Variants in PTPRM observed in about 807,000 individuals in gnomAD.
PTPRM encodes receptor-type tyrosine-protein phosphatase mu.
A neutral mutation model predicts 186.7 loss-of-function variants in PTPRM; 47 were observed. The observed-to-expected ratio is 0.25, with a 90% CI of 0.20 to 0.32. PTPRM has a LOEUF of 0.32. PTPRM is among the 10% of genes least tolerant of loss of function. PTPRM has a pLI of 1.00. For synonymous variants in PTPRM, 668 were observed against 674.9 expected (o/e 0.99, Z 0.16); for missense variants, 1,494 against 1,865.0 (o/e 0.80, Z 3.66).
chr18:8,157,797 G>A (rs2093153440), intron 14 of PTPRM, among the ~76,000 whole-genome samples: 1 of 152,176 alleles, frequency 6.6e-6, no homozygotes, highest in Non-Finnish European at 1.5e-5. Flanking sequence ...GCATGGCATT[G>A]GCATTAAATG....
chr18:7,717,467 A>C (rs1276359313), intron 1 of PTPRM, among the ~76,000 whole-genome samples: 2 of 152,196 alleles, frequency 1.3e-5, no homozygotes, highest in African/African-American at 4.8e-5. Context: ...ATCAGCAGTA[A>C]AATCGCCCAC....
intron 2 of PTPRM, among the ~76,000 whole-genome samples, chr18:7,819,919 G>C (rs1485910921): frequency 6.6e-6 from 1 of 152,178 alleles, no homozygotes; most frequent in East Asian, 1.9e-4. Context: ...GCGGGAAGCA[G>C]ACCCCTCCAT....
intron 1 of PTPRM, chr18:7,749,340 A>G (rs972314907): frequency 6.6e-6 from 1 of 152,030 alleles, no homozygotes; most frequent in Non-Finnish European, 1.5e-5. Context: ...AAAACAACAA[A>G]AAAAACTCAC....
chr18:8,358,322 A>G (rs2095576192), intron 23 of PTPRM, among the ~76,000 whole-genome samples: 1 of 151,788 alleles, frequency 6.6e-6, no homozygotes, highest in Non-Finnish European at 1.5e-5. Context: ...TCTCCATTTC[A>G]GAAATGTTCT....
intron 1 of PTPRM, among the ~76,000 whole-genome samples, chr18:7,676,649 G>GTGTA (rs2039344666): frequency 3.6e-5 from 5 of 137,532 alleles, no homozygotes; most frequent in African/African-American, 1.3e-4. Context: ...GTGTGTGTGT[G>GTGTA]TGTGTGTGTG....
chr18:8,122,133 A>G (rs1209232314), intron 13 of PTPRM: 1 of 152,494 alleles, frequency 6.6e-6, no homozygotes, highest in African/African-American at 2.4e-5. Flanking sequence ...TGTTAGAACA[A>G]AGTTGAGACA....
intron 1 of PTPRM, among the ~76,000 whole-genome samples, chr18:7,767,527 G>A (rs955353143): frequency 6.6e-6 from 1 of 152,038 alleles, no homozygotes; most frequent in Admixed American, 6.6e-5. Context: ...GTGAAAATGG[G>A]CCATTTTCTT....
At chr18:8,092,479 T>A (rs1340947759) in intron 11 of PTPRM, among the ~76,000 whole-genome samples, 1 of 152,160 alleles carries the variant, frequency 6.6e-6, no homozygotes, top group Non-Finnish European at 1.5e-5. Context: ...AGTGGTGCAA[T>A]TGTAGCTCAC....
At chr18:8,155,746 G>A (rs2093107658) in intron 14 of PTPRM, among the ~76,000 whole-genome samples, 2 of 152,220 alleles carry the variant, frequency 1.3e-5, no homozygotes, top group South Asian at 4.1e-4. Flanking sequence ...CCGGAGGCAA[G>A]TTGACATTAA....
intron 1 of PTPRM, among the ~76,000 whole-genome samples, chr18:7,766,708 T>C (rs1275452556): frequency 2.0e-5 from 3 of 152,196 alleles, no homozygotes; most frequent in Non-Finnish European, 4.4e-5. Context: ...AGGCCACTCC[T>C]TCCTCCTGCA....
intron 1 of PTPRM, among the ~76,000 whole-genome samples, chr18:7,605,419 T>TCCC (rs10654388): frequency 0.024 from 3,627 of 149,522 alleles, 153 homozygotes; most frequent in African/African-American, 0.085. Flanking sequence ...AGCAAAAATG[T>TCCC]CCCCCCCCCA....
chr18:7,571,913 C>T (rs573988923), intron 1 of PTPRM, among the ~76,000 whole-genome samples: 7 of 152,242 alleles, frequency 4.6e-5, no homozygotes, highest in East Asian at 1.9e-4. Context: ...TTTTAAAGCA[C>T]CCTTTGCAAA....
intron 1 of PTPRM, among the ~76,000 whole-genome samples, chr18:7,609,718 C>A (rs888247404): frequency 1.3e-5 from 2 of 152,080 alleles, no homozygotes; most frequent in African/African-American, 4.8e-5. Context: ...GAGGATCTCC[C>A]AAACCCTGTG....
chr18:8,287,207 A>G (rs1260516256), intron 19 of PTPRM, among the ~76,000 whole-genome samples: 1 of 152,152 alleles, frequency 6.6e-6, no homozygotes, highest in African/African-American at 2.4e-5. Context: ...ATTGGAAAAA[A>G]TTTTCTTGGA....
chr18:8,045,978 T>A (rs555001327), intron 7 of PTPRM, among the ~76,000 whole-genome samples: 394 of 152,342 alleles, frequency 2.6e-3, no homozygotes, highest in Non-Finnish European at 4.7e-3. Context: ...AAATCTCATC[T>A]TGAATTGTAA....
intron 1 of PTPRM, among the ~76,000 whole-genome samples, chr18:7,733,932 G>A (rs2040714338): frequency 6.6e-6 from 1 of 152,196 alleles, no homozygotes; most frequent in South Asian, 2.1e-4. Context: ...GGGGCAGGTT[G>A]GAGATTCTCC....
intron 1 of PTPRM, among the ~76,000 whole-genome samples, chr18:7,687,239 T>C (rs565340280): frequency 1.6e-4 from 24 of 152,274 alleles, no homozygotes; most frequent in African/African-American, 5.3e-4. Context: ...ACTTAAAATA[T>C]GAGATTTCTA....
In PTPRM at chr18:8,376,530, G is replaced by A. The variant is rs1359448390; in HGVS notation, c.3395G>A (p.Gly1132Glu). 6.2e-7 allele frequency: 1 copy of A among 1,614,048 alleles called. No individual in the cohort carries two copies. The highest frequency in any genetic ancestry group is 1.1e-5 in the South Asian group (1 of 91,072). Reference sequence around the variant, plus strand: ...ATGTTGGACATGGCCGAAAGGGAAGGGGTCGTAGACATCTACAACTGCGTC... The same window carrying A: ...ATGTTGGACATGGCCGAAAGGGAAGAGGTCGTAGACATCTACAACTGCGTC... ...DIMLDMAERE[G>E]VVDIYNCVRE... The change falls in exon 26 of 33, where the codon GGG becomes GAG. Residue 1132 changes from glycine (G) to glutamate (E), a missense_variant. Transcript: ENST00000580170.
rs566348448 is a variant in PTPRM, at chr18:8,023,149, G to C, written c.1133-46537G>C. ...GAGCCAGGGCATTGTAAGTGACAGG[G>C]AGGATCGTGGATGGGATAAGCCAGG... On this transcript the variant is annotated intron_variant, in intron 7 of 32. Coordinates refer to ENST00000580170, the MANE Select transcript of PTPRM (RefSeq NM_001105244.2). Among the ~76,000 whole-genome samples, 37 of 152,248 alleles carry C rather than the reference G, an allele frequency of 2.4e-4. 1 individual carries two copies. Among genetic ancestry groups the C allele is most frequent in the South Asian group, 6.2e-4 (3 of 4,826 alleles).
Sources: allele counts gnomAD v4.1 joint callset (sites outside exome capture counted in the v4.1 genomes callset), GRCh38; gene constraint gnomAD v4.1.1; transcripts MANE v1.5; gene names NCBI Gene and HGNC (gene_info 2026-07-23, HGNC 2026-07-21).